Variants in CNTNAP2 observed in about 807,000 individuals in gnomAD.
CNTNAP2 encodes the protein contactin-associated protein-like 2.
A neutral mutation model predicts 155.2 loss-of-function variants in CNTNAP2; 98 were observed. The ratio of observed to expected loss-of-function variants is 0.63; its 90% confidence interval spans 0.54 to 0.75. The LOEUF is 0.75. Ranked by LOEUF, CNTNAP2 falls within the 30% of genes least tolerant of loss-of-function variation. The probability of loss-of-function intolerance (pLI) is 0.00; values close to 1 mark genes in which losing one functional copy is unlikely to be tolerated. For synonymous variants in CNTNAP2, 651 were observed against 631.2 expected, an observed-to-expected ratio of 1.03 and a Z score of -0.47; for missense variants, 1,727 against 1,688.1, an observed-to-expected ratio of 1.02 and a Z score of -0.40.
At chr7:147,469,350 A>G (rs1233578284) in intron 10 of CNTNAP2, among the ~76,000 whole-genome samples, 1 of 151,636 alleles carries the variant, frequency 6.6e-6, no homozygotes, top group Non-Finnish European at 1.5e-5. Flanking sequence ...TGATCTGAAA[A>G]CCCCTAATTG....
At chr7:147,848,357 T>C (rs1022672734) in intron 13 of CNTNAP2, among the ~76,000 whole-genome samples, 125 of 150,344 alleles carry the variant, frequency 8.3e-4, no homozygotes, top group Non-Finnish European at 1.3e-3. Flanking sequence ...GTGACCCGAT[T>C]TTCCAGGTGC....
At chr7:148,409,575 C>A in intron 23 of CNTNAP2, 104 bp downstream of exon 23, 1 of 931,488 alleles carries the variant, frequency 1.1e-6, no homozygotes, top group Non-Finnish European at 1.7e-6. Flanking sequence ...TAGGTTTTTA[C>A]ATTATTCATT....
chr7:146,219,464 ATAAT>A lies in CNTNAP2; in HGVS notation c.97+102494_97+102497del, dbSNP rs1316660170. On this transcript the variant is annotated intron_variant, in intron 1 of 23. Transcript: ENST00000361727. ...AACTAAGTTTCCATTTATCTAACAA[ATAAT>A]TAGTAGATAAACCCAAATGGCTAAT... Among the ~76,000 whole-genome samples, 23 of 152,354 alleles carry A rather than the reference ATAAT, an allele frequency of 1.5e-4. No individual in the cohort carries two copies. In the East Asian group the frequency reaches 3.9e-3, roughly 26 times the overall value.
intron 11 of CNTNAP2, among the ~76,000 whole-genome samples, chr7:147,560,795 G>A (rs1199178714): frequency 6.7e-6 from 1 of 149,006 alleles, no homozygotes; most frequent in Non-Finnish European, 1.5e-5. Flanking sequence ...AAGAATTTTA[G>A]AAAGCTTGAA....
At chr7:146,642,591 C>T (rs1488975440) in intron 1 of CNTNAP2, among the ~76,000 whole-genome samples, 2 of 151,484 alleles carry the variant, frequency 1.3e-5, no homozygotes, top group African/African-American at 4.9e-5. Flanking sequence ...CAAGTCTTTG[C>T]TATTGTGAAT....
intron 8 of CNTNAP2, among the ~76,000 whole-genome samples, chr7:147,235,345 GGTGTGTGTGTGTGTGT>G (rs60072934): frequency 4.3e-5 from 6 of 140,974 alleles, no homozygotes; most frequent in South Asian, 2.4e-4. Flanking sequence ...TGGAGTTTTT[GGTGTGTGTGTGTGTGT>G]GTGTGTGTGT....
At chr7:148,156,388 C>G (rs1404865505) in intron 17 of CNTNAP2, among the ~76,000 whole-genome samples, 1 of 152,188 alleles carries the variant, frequency 6.6e-6, no homozygotes, top group Non-Finnish European at 1.5e-5. Flanking sequence ...GAAATACTTT[C>G]TTCCCACAGA....
chr7:146,357,736 C>T (rs910134631), intron 1 of CNTNAP2, among the ~76,000 whole-genome samples: 1 of 151,994 alleles, frequency 6.6e-6, no homozygotes, highest in Non-Finnish European at 1.5e-5. Flanking sequence ...TACACTGTTA[C>T]ATCCAAACTT....
chr7:146,944,339 G>A (rs1478982567), intron 3 of CNTNAP2, among the ~76,000 whole-genome samples: 1 of 151,444 alleles, frequency 6.6e-6, no homozygotes, highest in Non-Finnish European at 1.5e-5. Context: ...AAGATCAACT[G>A]TAGATTTTTT....
chr7:146,945,097 G>GA (rs970725898), intron 3 of CNTNAP2, among the ~76,000 whole-genome samples: 19 of 152,012 alleles, frequency 1.2e-4, no homozygotes, highest in African/African-American at 3.6e-4. Flanking sequence ...ACTGACATTT[G>GA]AAAAAAGCCT....
chr7:147,692,945 G>C (rs563878283), intron 13 of CNTNAP2, among the ~76,000 whole-genome samples: 1 of 151,930 alleles, frequency 6.6e-6, no homozygotes, highest in African/African-American at 2.4e-5. Context: ...TTTCTCCCTT[G>C]TCATTTCTAG....
At chr7:146,733,313 GAAAT>G (rs1224224315) in intron 1 of CNTNAP2, among the ~76,000 whole-genome samples, 3 of 151,844 alleles carry the variant, frequency 2.0e-5, no homozygotes, top group African/African-American at 2.4e-5. Flanking sequence ...ATTTACATAG[GAAAT>G]AAATCATAAA....
chr7:146,746,298 A>T (rs1801808945), intron 1 of CNTNAP2, among the ~76,000 whole-genome samples: 1 of 152,168 alleles, frequency 6.6e-6, no homozygotes, highest in African/African-American at 2.4e-5. Flanking sequence ...GAAATAAGAA[A>T]AGTATTTTGT....
chr7:146,436,981 A>G lies in CNTNAP2; in HGVS notation c.97+320008A>G, dbSNP rs537355680. Among the ~76,000 whole-genome samples, 95 of 151,614 alleles carry G rather than the reference A, an allele frequency of 6.3e-4. 1 individual carries two copies. Among genetic ancestry groups the G allele is most frequent in the Non-Finnish European group, 1.1e-3 (75 of 68,014 alleles). ...TATAATTCTAAACCATGGGTCCCCA[A>G]CTGCCGGGCCACAGACTGATGCTGG... On this transcript the variant is annotated intron_variant, in intron 1 of 23. Coordinates refer to ENST00000361727, the MANE Select transcript of CNTNAP2 (RefSeq NM_014141.6).
intron 13 of CNTNAP2, among the ~76,000 whole-genome samples, chr7:147,649,778 G>A (rs1161409229): frequency 6.6e-6 from 1 of 151,598 alleles, no homozygotes; most frequent in African/African-American, 2.4e-5. Context: ...AACTACTTTT[G>A]GACTATTTTT....
At chr7:147,389,871 T>C (rs1485624239) in intron 9 of CNTNAP2, among the ~76,000 whole-genome samples, 1 of 152,226 alleles carries the variant, frequency 6.6e-6, no homozygotes. Flanking sequence ...ATTTTAACTT[T>C]ATATTTTTAC....
intron 18 of CNTNAP2, among the ~76,000 whole-genome samples, chr7:148,182,200 CA>C (rs1795049855): frequency 6.6e-6 from 1 of 152,156 alleles, no homozygotes; most frequent in Non-Finnish European, 1.5e-5. Context: ...GTGAAGTTCA[CA>C]GAAATAACAC....
intron 4 of CNTNAP2, among the ~76,000 whole-genome samples, chr7:147,104,878 A>ATG (rs1426603088): frequency 8.3e-5 from 2 of 24,206 alleles, no homozygotes; most frequent in Non-Finnish European, 1.5e-4. Context: ...TCCCTCATAT[A>ATG]TATATATATA....
At chr7:147,034,244 G>A (rs1050150899) in intron 3 of CNTNAP2, among the ~76,000 whole-genome samples, 3 of 152,182 alleles carry the variant, frequency 2.0e-5, no homozygotes, top group East Asian at 1.9e-4. Flanking sequence ...AACAAACAAT[G>A]AGGACAACTA....
Sources: gnomAD v4.1 joint callset for allele counts (sites outside exome capture counted in the v4.1 genomes callset) on GRCh38, gnomAD v4.1.1 for gene constraint, MANE v1.5 for transcripts, NCBI Gene and HGNC (gene_info 2026-07-23, HGNC 2026-07-21) for gene names.